KCNMA1: variants seen among roughly 807,000 people sequenced by gnomAD.
KCNMA1 encodes the protein potassium calcium-activated channel subfamily M alpha 1.
In KCNMA1, 29 loss-of-function variants were observed where a neutral mutation model predicts 140.0. The observed-to-expected ratio is 0.21, with a 90% CI of 0.15 to 0.28. The LOEUF is 0.28. Ranked by LOEUF, KCNMA1 falls within the 10% of genes least tolerant of loss-of-function variation. KCNMA1 has a pLI of 1.00. For missense variants in KCNMA1, 880 were observed against 1,602.2 expected (o/e 0.55, Z 7.70); for synonymous variants, 612 against 611.9 (o/e 1.00, Z 0.00).
intron 1 of KCNMA1, among the ~76,000 whole-genome samples, chr10:77,418,759 G>T (rs768742914): frequency 6.6e-5 from 10 of 152,126 alleles, no homozygotes; most frequent in Non-Finnish European, 1.2e-4. Flanking sequence ...TTCTAAATTG[G>T]TGAATCTACT....
At chr10:77,007,651 G>GTATA (rs1419890065) in intron 18 of KCNMA1, among the ~76,000 whole-genome samples, 1 of 8,412 alleles carries the variant, frequency 1.2e-4, no homozygotes, top group African/African-American at 6.1e-4. Context: ...TATTGTGTGT[G>GTATA]TGTATATATA....
chr10:77,424,147 A>C (rs2096925721), intron 1 of KCNMA1, among the ~76,000 whole-genome samples: 1 of 152,256 alleles, frequency 6.6e-6, no homozygotes, highest in South Asian at 2.1e-4. Context: ...AAACTACAGC[A>C]GGTTAGTTAA....
chr10:77,370,149 T>C (rs2094595350), intron 2 of KCNMA1, among the ~76,000 whole-genome samples: 1 of 152,144 alleles, frequency 6.6e-6, no homozygotes. Context: ...GTAGATAAAA[T>C]AGATATAAAA....
intron 1 of KCNMA1, among the ~76,000 whole-genome samples, chr10:77,604,045 T>C (rs1399004572): frequency 1.3e-5 from 2 of 152,366 alleles, no homozygotes; most frequent in East Asian, 3.9e-4. Context: ...ACACTATCTT[T>C]CCTAGGGAGC....
intron 1 of KCNMA1, among the ~76,000 whole-genome samples, chr10:77,480,541 C>T (rs2098371260): frequency 6.6e-6 from 1 of 152,224 alleles, no homozygotes; most frequent in Non-Finnish European, 1.5e-5. Flanking sequence ...GTCCCCATAT[C>T]CTAGAGCAAG....
intron 2 of KCNMA1, among the ~76,000 whole-genome samples, chr10:77,272,998 G>A (rs1023829118): frequency 2.0e-5 from 3 of 152,158 alleles, no homozygotes; most frequent in South Asian, 2.1e-4. Flanking sequence ...AGAAGAGAAA[G>A]CTTAAAAAGC....
At chr10:77,276,451 C>T (rs1163469937) in intron 2 of KCNMA1, among the ~76,000 whole-genome samples, 3 of 152,218 alleles carry the variant, frequency 2.0e-5, no homozygotes, top group South Asian at 2.1e-4. Flanking sequence ...AGGGGCTTGG[C>T]GTCAGGGGAC....
intron 9 of KCNMA1, among the ~76,000 whole-genome samples, chr10:77,095,076 T>A (rs535344147): frequency 6.6e-6 from 1 of 152,320 alleles, no homozygotes; most frequent in Admixed American, 6.5e-5. Context: ...ATAATAAGAA[T>A]CTTAATGATC....
At chr10:77,630,042 T>C (rs2092999520) in intron 1 of KCNMA1, among the ~76,000 whole-genome samples, 3 of 152,204 alleles carry the variant, frequency 2.0e-5, no homozygotes, top group Admixed American at 6.5e-5. Context: ...AAGAAGTGCA[T>C]TGGAGGGCCA....
In KCNMA1 at chr10:77,637,532, G is replaced by T; in HGVS notation, c.111C>A (p.Asp37Glu). The T allele has an allele frequency of 6.4e-7, 1 of 1,550,540 alleles. No individual in the cohort carries two copies. The highest frequency in any genetic ancestry group is 8.8e-7 in the Non-Finnish European group (1 of 1,142,218). The change falls in exon 1 of 28, where the codon GAC (aspartate) becomes GAA (glutamate). Residue 37 changes from aspartate (D) to glutamate (E), a missense_variant. Physicochemically the swap from Asp to Glu is conservative, Grantham distance 45. Coordinates refer to ENST00000286628, the MANE Select transcript of KCNMA1 (RefSeq NM_001161352.2). ...SNIHANHLSLDASSSSSSSSS... is the reference protein window; with the variant it reads ...SNIHANHLSLEASSSSSSSSS... ...AGGAGGAGGAGGAGGAGGAGGACGC[G>T]TCTAGGCTGAGATGGTTCGCGTGGA...
At position 77,100,558 on chromosome 10, in the gene KCNMA1, A is replaced by C. The variant is rs541646392; in HGVS notation, c.1223+7923T>G. 3.0e-4 allele frequency among the ~76,000 whole-genome samples: 45 copies of C among 152,316 alleles called. 1 individual carries two copies. In the South Asian group the frequency reaches 8.9e-3, roughly 30 times the overall value. On this transcript the variant is annotated intron_variant, in intron 9 of 27. Transcript: ENST00000286628. ...AATGTATTGACCTCTATAATGTTTTAATAAAAAGAGACACTGGACTTGGCC... is the reference window on the plus strand; with the variant it reads ...AATGTATTGACCTCTATAATGTTTTCATAAAAAGAGACACTGGACTTGGCC...
chr10:77,477,667 T>C (rs1320222729), intron 1 of KCNMA1, among the ~76,000 whole-genome samples: 1 of 152,242 alleles, frequency 6.6e-6, no homozygotes, highest in African/African-American at 2.4e-5. Flanking sequence ...GAAGATAACA[T>C]GCCCACTCAA....
intron 19 of KCNMA1, among the ~76,000 whole-genome samples, chr10:76,991,296 G>C (rs1265812760): frequency 6.6e-6 from 1 of 152,212 alleles, no homozygotes; most frequent in African/African-American, 2.4e-5. Context: ...TAGTAACCCT[G>C]CCACTCCTCA....
At position 76,885,774 on chromosome 10, in the gene KCNMA1, T is replaced by C. The variant is rs1294303600; in HGVS notation, c.*1492A>G. ...GCATGATTTGCATGCACAAAGCATC[T>C]GACAACTATATGTTGAAAAAAGGGT... On this transcript the variant is annotated 3_prime_UTR_variant, in exon 28 of 28. Coordinates refer to ENST00000286628, the MANE Select transcript of KCNMA1 (RefSeq NM_001161352.2). 1 of 985,132 alleles carries C rather than the reference T, an allele frequency of 1.0e-6. No homozygotes were observed. The highest frequency in any genetic ancestry group is 1.7e-5 in the African/African-American group (1 of 57,234). The allele number at this position is 985,132 out of a possible 1,614,324, so 61.0% of individuals were successfully genotyped here. A position where few individuals can be genotyped will look rare whatever the true frequency, so the allele number is the denominator to read the frequency against.
intron 2 of KCNMA1, among the ~76,000 whole-genome samples, chr10:77,341,594 T>A (rs994396962): frequency 3.7e-4 from 57 of 152,126 alleles, no homozygotes; most frequent in African/African-American, 1.4e-3. Flanking sequence ...GTCCCCCAGA[T>A]CCCCTTGTGT....
chr10:77,290,772 C>A (rs1255530116), intron 2 of KCNMA1, among the ~76,000 whole-genome samples: 1 of 152,122 alleles, frequency 6.6e-6, no homozygotes, highest in Non-Finnish European at 1.5e-5. Context: ...GGGCAGGAGA[C>A]AGAAAGACTT....
chr10:77,328,574 C>G (rs1314975680), intron 2 of KCNMA1, among the ~76,000 whole-genome samples: 1 of 152,212 alleles, frequency 6.6e-6, no homozygotes, highest in African/African-American at 2.4e-5. Context: ...TACTCAGACA[C>G]CTTGGCCCCT....
At chr10:77,283,012 C>G (rs909973934) in intron 2 of KCNMA1, among the ~76,000 whole-genome samples, 7 of 152,164 alleles carry the variant, frequency 4.6e-5, no homozygotes, top group Admixed American at 3.9e-4. Context: ...CAGTGAAGGC[C>G]AACCTTCGTC....
At chr10:76,943,063 G>A (rs746858960) in intron 23 of KCNMA1, among the ~76,000 whole-genome samples, 2 of 152,232 alleles carry the variant, frequency 1.3e-5, no homozygotes, top group African/African-American at 4.8e-5. Context: ...GGGCAGGGCA[G>A]AGAGGACACA....
Sources: allele counts gnomAD v4.1 joint callset (sites outside exome capture counted in the v4.1 genomes callset), GRCh38; gene constraint gnomAD v4.1.1; transcripts MANE v1.5; gene names NCBI Gene and HGNC (gene_info 2026-07-23, HGNC 2026-07-21).